Variants in SLCO4C1 observed in about 807,000 individuals in gnomAD.
The protein encoded by SLCO4C1 is solute carrier organic anion transporter family member 4C1.
SLCO4C1 carries 58 observed loss-of-function variants against 72.1 expected under a neutral mutation model. That is an observed-to-expected ratio of 0.80 (90% CI 0.65 to 1.00). SLCO4C1 has a LOEUF of 1.00. SLCO4C1 is among the 50% of genes least tolerant of loss of function. The pLI is 0.00. For missense variants in SLCO4C1, 898 were observed against 857.9 expected (o/e 1.05, Z -0.58); for synonymous variants, 297 against 312.5 (o/e 0.95, Z 0.52).
At chr5:102,258,213 C>A in intron 6 of SLCO4C1, 126 bp from the exon 7 acceptor site, 1 of 665,680 alleles carries the variant, frequency 1.5e-6, no homozygotes, top group Non-Finnish European at 2.3e-6. Context: ...GCATTTCCTC[C>A]AAAACAAAAA....
chr5:102,293,483 C>T (rs1381678368), intron 1 of SLCO4C1, among the ~76,000 whole-genome samples: 1 of 152,154 alleles, frequency 6.6e-6, no homozygotes, highest in Non-Finnish European at 1.5e-5. Flanking sequence ...CTACATCTCT[C>T]TGTTGTAAAT....
chr5:102,290,545 T>G (rs777518653), intron 2 of SLCO4C1, among the ~76,000 whole-genome samples: 2 of 152,214 alleles, frequency 1.3e-5, no homozygotes, highest in Non-Finnish European at 2.9e-5. Flanking sequence ...AATCTTAACT[T>G]CTTAAAAATA....
At position 102,253,697 on chromosome 5, in the gene SLCO4C1, C is replaced by T. The variant is rs1013079083; in HGVS notation, c.1469+3418G>A. ...TGGCACGCCTATAATCCCAGCTACT[C>T]GGGAGGCTGAGGCAGGAGAATTGCT... On this transcript the variant is annotated intron_variant, in intron 8 of 12. Transcript: ENST00000310954. 5.9e-5 allele frequency among the ~76,000 whole-genome samples: 9 copies of T among 151,816 alleles called. No homozygotes were observed. In the East Asian group the frequency reaches 1.6e-3, roughly 26 times the overall value.
At chr5:102,250,813 A>T (rs1345532663) in intron 8 of SLCO4C1, among the ~76,000 whole-genome samples, 1 of 151,662 alleles carries the variant, frequency 6.6e-6, no homozygotes, top group South Asian at 2.1e-4. Context: ...ACATGATGAA[A>T]CTCATCTCTA....
rs986408439 is a variant in SLCO4C1 at position 102,257,806 on chromosome 5, G to A, written c.1273+137C>T. ...GCTAATTTTTATGTTTTTTGGTACA[G>A]ACAGGGTTTCACCATGTTGGCCGGG... On this transcript the variant is annotated intron_variant, in intron 7 of 12. Coordinates refer to ENST00000310954, the MANE Select transcript of SLCO4C1 (RefSeq NM_180991.5). The A allele has an allele frequency of 7.8e-6, 6 of 767,296 alleles. No homozygotes were observed. In the Admixed American group the frequency reaches 1.9e-4, roughly 24 times the overall value. 47.5% of individuals were successfully genotyped at this position (767,296 alleles called of 1,614,324 possible).
At chr5:102,287,589 G>A (rs1469770793) in intron 2 of SLCO4C1, among the ~76,000 whole-genome samples, 5 of 142,886 alleles carry the variant, frequency 3.5e-5, no homozygotes, top group Non-Finnish European at 6.0e-5. Flanking sequence ...CACCCAGGCT[G>A]GATGGAGTGC....
Position 102,258,059 on chromosome 5 carries a change from CA to C in SLCO4C1, c.1156del (p.Cys386ValfsTer2), listed in dbSNP as rs1343579071. On this transcript the variant is annotated frameshift_variant, in exon 7 of 13. Transcript: ENST00000310954. LOFTEE classifies it high-confidence loss of function. ...KNLMKNAVFM[C>X]LVLSTSSEAL... is the part of the protein sequence containing the mutation. ...TTCTGAAGAAGTTGATAGAACTAAACACATAAAGACAGCATTCTTCATCAAA... is the reference window on the plus strand; with the variant it reads ...TTCTGAAGAAGTTGATAGAACTAAACCATAAAGACAGCATTCTTCATCAAA... The C allele has an allele frequency of 1.3e-6, 2 of 1,573,732 alleles. No individual in the cohort carries two copies. The highest frequency in any genetic ancestry group is 1.7e-6 in the Non-Finnish European group (2 of 1,166,266).
intron 2 of SLCO4C1, among the ~76,000 whole-genome samples, chr5:102,288,293 G>A (rs1056255890): frequency 6.6e-6 from 1 of 152,054 alleles, no homozygotes; most frequent in East Asian, 1.9e-4. Flanking sequence ...TTCTAATTCT[G>A]TTCTACCTAG....
Position 102,289,607 on chromosome 5 carries a change from C to T in SLCO4C1, c.619+1736G>A, listed in dbSNP as rs116805733. ...AGATGAAAATTTAGATATTCCCTTA[C>T]GATTTAGATTTCAATAGTGTTATAC... On this transcript the variant is annotated intron_variant, in intron 2 of 12. Transcript: ENST00000310954. Among the ~76,000 whole-genome samples the T allele has an allele frequency of 8.1e-3, 1,229 of 152,274 alleles. 12 individuals are homozygous for T. Among genetic ancestry groups the T allele is most frequent in the Non-Finnish European group, 0.015 (998 of 68,020 alleles).
intron 3 of SLCO4C1, among the ~76,000 whole-genome samples, chr5:102,266,305 C>G (rs929629981): frequency 1.3e-5 from 2 of 152,062 alleles, no homozygotes; most frequent in Non-Finnish European, 1.5e-5. Context: ...CTTTCTCTTG[C>G]CTAAGTGCTC....
intron 3 of SLCO4C1, among the ~76,000 whole-genome samples, chr5:102,267,084 T>C (rs1042268946): frequency 4.6e-5 from 7 of 152,148 alleles, no homozygotes; most frequent in Non-Finnish European, 1.5e-5. Context: ...GGCTTGTAGC[T>C]CCTCTTTACA....
chr5:102,287,845 C>A (rs543888422), intron 2 of SLCO4C1, among the ~76,000 whole-genome samples: 2 of 152,130 alleles, frequency 1.3e-5, no homozygotes, highest in East Asian at 1.9e-4. Context: ...TGAGTCATTG[C>A]GCCCGGCCAG....
Position 102,296,264 on chromosome 5 carries a change from T to C in SLCO4C1, c.-2A>G. 3 of 1,523,116 alleles carry C rather than the reference T, an allele frequency of 2.0e-6. No homozygotes were observed. Among genetic ancestry groups the C allele is most frequent in the Non-Finnish European group, 2.6e-6 (3 of 1,136,338 alleles). The allele number at this position is 1,523,116 out of a possible 1,614,324, so 94.4% of individuals were successfully genotyped here. A position where few individuals can be genotyped will look rare whatever the true frequency, so the allele number is the denominator to read the frequency against. On this transcript the variant is annotated 5_prime_UTR_variant, in exon 1 of 13. Coordinates refer to ENST00000310954, the MANE Select transcript of SLCO4C1 (RefSeq NM_180991.5). ...CTCAATACCTTTGGCGCTCTTCATGTCTGGATGGGTTCTCCCGACTCCGGT... is the reference window on the plus strand; with the variant it reads ...CTCAATACCTTTGGCGCTCTTCATGCCTGGATGGGTTCTCCCGACTCCGGT...
chr5:102,255,129 G>T (rs373393641), intron 8 of SLCO4C1, among the ~76,000 whole-genome samples: 1 of 148,954 alleles, frequency 6.7e-6, no homozygotes, highest in African/African-American at 2.4e-5. Context: ...AAACATATAC[G>T]TTTAGTGATA....
intron 6 of SLCO4C1, among the ~76,000 whole-genome samples, chr5:102,258,348 A>G (rs1324759201): frequency 6.6e-6 from 1 of 152,188 alleles, no homozygotes; most frequent in Non-Finnish European, 1.5e-5. Flanking sequence ...TCCAAGGGCT[A>G]TGGAAAGAAG....
chr5:102,270,826 G>T lies in SLCO4C1; in HGVS notation c.620-20C>A. Reference sequence around the variant, plus strand: ...AAGTGTCTTTGTGGAAAAAAAAATTGTGAATTTATAGAAATTCAGCTAATA... The same window carrying T: ...AAGTGTCTTTGTGGAAAAAAAAATTTTGAATTTATAGAAATTCAGCTAATA... On this transcript the variant is annotated intron_variant, in intron 2 of 12. Transcript: ENST00000310954. The T allele has an allele frequency of 1.4e-6, 2 of 1,439,430 alleles. No individual in the cohort carries two copies. Among genetic ancestry groups the T allele is most frequent in the African/African-American group, 1.5e-5 (1 of 68,932 alleles). 89.2% of individuals were successfully genotyped at this position (1,439,430 alleles called of 1,614,324 possible).
intron 5 of SLCO4C1, 90 bp from the exon 6 acceptor site, chr5:102,260,409 C>G (rs1026310661): frequency 3.9e-6 from 1 of 254,030 alleles, no homozygotes; most frequent in Non-Finnish European, 7.0e-6. Context: ...AATAAGTAAA[C>G]GTGCTCTATC....
In SLCO4C1 at chr5:102,296,063, G is replaced by A. The variant is rs1174015496; in HGVS notation, c.200C>T (p.Pro67Leu). The change falls in exon 1 of 13, where the codon CCT becomes CTT. Residue 67 changes from proline to leucine, a missense_variant. Pro to Leu is a moderately conservative substitution (Grantham distance 98, BLOSUM62 -3). Transcript: ENST00000310954. ...KSPEPSLPSAPPNVSEEKLRS... is the reference protein window; with the variant it reads ...KSPEPSLPSALPNVSEEKLRS... ...GAGCTTCTCTTCGGAGACATTGGGA[G>A]GGGCTGAAGGCAGAGATGGCTCTGG... 4 of 1,614,240 alleles carry A rather than the reference G, an allele frequency of 2.5e-6. No homozygotes were observed. The highest frequency in any genetic ancestry group is 2.2e-5 in the South Asian group (2 of 91,090).
intron 2 of SLCO4C1, among the ~76,000 whole-genome samples, chr5:102,280,090 CAAAA>C (rs36217271): frequency 7.0e-4 from 48 of 68,846 alleles, no homozygotes; most frequent in African/African-American, 2.2e-3. Context: ...TGCAATAAGG[CAAAA>C]AAAAAAAAAA....
Sources: gnomAD v4.1 joint callset for allele counts (sites outside exome capture counted in the v4.1 genomes callset) on GRCh38, gnomAD v4.1.1 for gene constraint, MANE v1.5 for transcripts, NCBI Gene and HGNC (gene_info 2026-07-23, HGNC 2026-07-21) for gene names.